Variants in KLC1 observed in about 807,000 individuals in gnomAD.
The protein encoded by KLC1 is kinesin 2 60/70kDa.
Under a neutral mutation model 84.2 loss-of-function variants are expected in KLC1, and 30 were observed. The observed-to-expected ratio is 0.36, with a 90% CI of 0.27 to 0.48. The LOEUF is 0.48. Among genes scored for constraint, KLC1 ranks in the 20% least tolerant of loss-of-function variants. KLC1 has a pLI of 0.99. For synonymous variants in KLC1, 289 were observed against 293.3 expected, an observed-to-expected ratio of 0.99 and a Z score of 0.15; for missense variants, 499 against 805.4, an observed-to-expected ratio of 0.62 and a Z score of 4.60.
chr14:103,693,480 C>G lies in KLC1; in HGVS notation c.1848+1055C>G. The G allele has an allele frequency of 3.3e-6, 5 of 1,532,062 alleles. No homozygotes were observed. Among genetic ancestry groups the G allele is most frequent in the Non-Finnish European group, 3.5e-6 (4 of 1,144,746 alleles). 94.9% of individuals were successfully genotyped at this position (1,532,062 alleles called of 1,614,324 possible). A position where few individuals can be genotyped will look rare whatever the true frequency, so the allele number is the denominator to read the frequency against. ...AGCTGTGCAGCTGGTACTGTTAGGC[C>G]TGAGGCCATTTGAAGCTGGCATCAT... On this transcript the variant is annotated intron_variant, in intron 15 of 16. Transcript: ENST00000334553. This position sits in a 1 kb window ranked among gnomAD's most constrained non-coding sequence, Gnocchi z 5.1.
At chr14:103,642,935 A>AT (rs2077604651) in intron 1 of KLC1, among the ~76,000 whole-genome samples, 1 of 151,478 alleles carries the variant, frequency 6.6e-6, no homozygotes, top group Non-Finnish European at 1.5e-5. Context: ...CGCCCGGCTA[A>AT]TTTTTTTGTA....
At chr14:103,655,691 C>G (rs1448046733) in intron 2 of KLC1, among the ~76,000 whole-genome samples, 1 of 152,042 alleles carries the variant, frequency 6.6e-6, no homozygotes, top group African/African-American at 2.4e-5. Context: ...TCACTGCAAC[C>G]TCTGTCCCCC....
At chr14:103,684,021 A>T (rs1487380709) in intron 13 of KLC1, 1 of 152,154 alleles carries the variant, frequency 6.6e-6, no homozygotes, top group Non-Finnish European at 1.5e-5. Context: ...GTGCGAAAAA[A>T]ACAAAAATCA....
intron 1 of KLC1, among the ~76,000 whole-genome samples, chr14:103,650,209 G>A (rs947956595): frequency 8.2e-6 from 1 of 121,878 alleles, no homozygotes; most frequent in African/African-American, 3.0e-5. Context: ...AAAGAGGGAA[G>A]GGAGTATTTC....
At position 103,641,697 on chromosome 14, in the gene KLC1, C is replaced by T. The variant is rs189081631; in HGVS notation, c.-2+12203C>T. 3.4e-4 allele frequency among the ~76,000 whole-genome samples: 52 copies of T among 151,368 alleles called. 1 individual carries two copies. In the East Asian group the frequency reaches 9.6e-3, roughly 28 times the overall value. On this transcript the variant is annotated intron_variant, in intron 1 of 16. Transcript: ENST00000334553. ...CTGCAGCCTCCGCCTCCTGGGTGCA[C>T]TTCATCCTCCCACCTCCACCTCAGC...
chr14:103,635,679 G>A (rs1232449941), intron 1 of KLC1, among the ~76,000 whole-genome samples: 3 of 152,050 alleles, frequency 2.0e-5, no homozygotes, highest in East Asian at 1.9e-4. Context: ...ACTTGAACCC[G>A]GGAGGCGGAG....
intron 15 of KLC1, chr14:103,698,817 G>C: frequency 6.2e-7 from 1 of 1,602,146 alleles, no homozygotes. Flanking sequence ...CTGGGTCCCA[G>C]GTGTCCCTCG....
At chr14:103,690,179 T>C (rs554482778) in intron 14 of KLC1, among the ~76,000 whole-genome samples, 5 of 147,340 alleles carry the variant, frequency 3.4e-5, no homozygotes, top group Non-Finnish European at 1.5e-5. Flanking sequence ...AAACTTCGTC[T>C]CAAAAAAAAA....
Position 103,665,144 on chromosome 14 carries a change from C to T in KLC1, c.797+2217C>T, listed in dbSNP as rs760971985. Among the ~76,000 whole-genome samples the T allele has an allele frequency of 7.2e-5, 11 of 151,762 alleles. No individual in the cohort carries two copies. The South Asian group carries it at 1.0e-3, about 14-fold the overall frequency. Reference sequence around the variant, plus strand: ...ATTTCATCATTCTTGTATTAAGGGACACATAATTTTAAGCTTTTTTTTTTT... The same window carrying T: ...ATTTCATCATTCTTGTATTAAGGGATACATAATTTTAAGCTTTTTTTTTTT... On this transcript the variant is annotated intron_variant, in intron 5 of 16. Coordinates refer to ENST00000334553, the MANE Select transcript of KLC1 (RefSeq NM_001394837.1).
intron 15 of KLC1, chr14:103,695,411 C>T (rs1335392540): frequency 1.0e-6 from 1 of 984,294 alleles, no homozygotes; most frequent in Admixed American, 6.2e-5. Flanking sequence ...AAGCCAACCC[C>T]CCCCAAAAAA....
chr14:103,680,159 T>G (rs1354372050), intron 13 of KLC1, among the ~76,000 whole-genome samples: 1 of 152,200 alleles, frequency 6.6e-6, no homozygotes, highest in Non-Finnish European at 1.5e-5. Flanking sequence ...GGGCCCCCTC[T>G]GGGTTTTACT....
chr14:103,666,285 G>T (rs370611797), intron 5 of KLC1, among the ~76,000 whole-genome samples: 1 of 151,910 alleles, frequency 6.6e-6, no homozygotes, highest in East Asian at 1.9e-4. Flanking sequence ...GGATGGTCTT[G>T]ATCTCCTGAC....
At chr14:103,651,850 G>C (rs2078470009) in intron 1 of KLC1, among the ~76,000 whole-genome samples, 1 of 152,282 alleles carries the variant, frequency 6.6e-6, no homozygotes. Context: ...GGCTTCCCTT[G>C]GGAGTGGTTT....
intron 1 of KLC1, among the ~76,000 whole-genome samples, chr14:103,651,200 G>A (rs1363143728): frequency 6.6e-6 from 1 of 151,232 alleles, no homozygotes; most frequent in Non-Finnish European, 1.5e-5. Context: ...TAGTAGAAAC[G>A]GGTTTCACCA....
chr14:103,641,228 C>G (rs181178472), intron 1 of KLC1, among the ~76,000 whole-genome samples: 1 of 152,224 alleles, frequency 6.6e-6, no homozygotes, highest in Non-Finnish European at 1.5e-5. Context: ...CAGCCTGGTA[C>G]ATTATTATTA....
rs193035410 is a variant in KLC1, at chr14:103,643,953, C to T, written c.-1-10611C>T. ...AAAGTTGGCTGGGCACGGTGGCTCA[C>T]GCCTGTAATCCCAGCACTTTGAGAG... On this transcript the variant is annotated intron_variant, in intron 1 of 16. Transcript: ENST00000334553. Among the ~76,000 whole-genome samples the T allele has an allele frequency of 2.6e-3, 397 of 152,092 alleles. 2 individuals carry two copies. Among genetic ancestry groups the T allele is most frequent in the African/African-American group, 9.0e-3 (375 of 41,514 alleles).
chr14:103,681,310 G>A (rs1301378053), intron 13 of KLC1, among the ~76,000 whole-genome samples: 1 of 152,170 alleles, frequency 6.6e-6, no homozygotes, highest in East Asian at 1.9e-4. Context: ...TTCAGATGGA[G>A]TCTTAGATAA....
chr14:103,677,276 T>C (rs774731024), intron 11 of KLC1, 139 bp from the exon 12 acceptor site: 1 of 645,046 alleles, frequency 1.6e-6, no homozygotes, highest in Non-Finnish European at 2.7e-6. Flanking sequence ...AATTTTACAG[T>C]TTCAGAAAAG....
At chr14:103,657,430 T>G (rs887005289) in intron 2 of KLC1, 116 bp from the exon 3 acceptor site, 3 of 713,384 alleles carry the variant, frequency 4.2e-6, no homozygotes, top group Non-Finnish European at 7.2e-6. Flanking sequence ...ATATGTACTT[T>G]GGAGAAAATA....
Sources: gnomAD v4.1 joint callset for allele counts (sites outside exome capture counted in the v4.1 genomes callset) on GRCh38, gnomAD v4.1.1 for gene constraint, Gnocchi (gnomAD v3.1) non-coding constraint, MANE v1.5 for transcripts, NCBI Gene and HGNC (gene_info 2026-07-23, HGNC 2026-07-21) for gene names.